Variants in ABCB7 observed in about 807,000 individuals in gnomAD.
ABCB7 encodes iron-sulfur clusters transporter ABCB7, mitochondrial.
ABCB7 carries 7 observed loss-of-function variants against 54.4 expected under a neutral mutation model. The observed-to-expected ratio is 0.13, with a 90% CI of 0.07 to 0.24. ABCB7 has a LOEUF of 0.24. Among genes scored for constraint, ABCB7 ranks in the 10% least tolerant of loss-of-function variants. The pLI, the probability that ABCB7 is intolerant of heterozygous loss-of-function variation, is 1.00. For missense variants in ABCB7, 356 were observed against 570.4 expected, an observed-to-expected ratio of 0.62 and a Z score of 3.83; for synonymous variants, 218 against 207.1, an observed-to-expected ratio of 1.05 and a Z score of -0.45.
intron 15 of ABCB7, among the ~76,000 whole-genome samples, chrX:75,056,345 G>A (rs997055529): frequency 1.8e-5 from 2 of 111,784 alleles, no homozygotes; most frequent in Non-Finnish European, 3.8e-5. Context: ...TCTTCCTAAA[G>A]GGGAATTGTC....
At chrX:75,135,742 C>T (rs2082004701) in intron 1 of ABCB7, among the ~76,000 whole-genome samples, 2 of 111,451 alleles carry the variant, frequency 1.8e-5, no homozygotes. Context: ...ATGATCATCT[C>T]AATAAACACA....
chrX:75,123,810 C>T (rs2081901863), intron 1 of ABCB7, among the ~76,000 whole-genome samples: 1 of 111,043 alleles, frequency 9.0e-6, no homozygotes, highest in East Asian at 2.8e-4. Flanking sequence ...CTTTTCCAGA[C>T]AGTAAATATT....
intron 8 of ABCB7, among the ~76,000 whole-genome samples, chrX:75,073,386 C>T (rs775922876): frequency 9.0e-6 from 1 of 111,415 alleles, no homozygotes; most frequent in East Asian, 2.8e-4. Flanking sequence ...AGGAACTTTT[C>T]AGTTCCATTA....
intron 1 of ABCB7, among the ~76,000 whole-genome samples, chrX:75,147,511 C>T (rs144080963): frequency 0.024 from 2,636 of 111,389 alleles, 77 homozygotes; most frequent in African/African-American, 0.083. Flanking sequence ...AAAATCACGT[C>T]CTTTGCAGTG....
intron 1 of ABCB7, among the ~76,000 whole-genome samples, chrX:75,138,983 G>A (rs1327155500): frequency 3.1e-5 from 3 of 97,259 alleles, no homozygotes; most frequent in Non-Finnish European, 4.2e-5. Context: ...ACGTCAGCAG[G>A]GCGACAGAAC....
At chrX:75,127,717 G>A (rs138716131) in intron 1 of ABCB7, among the ~76,000 whole-genome samples, 6,146 of 111,922 alleles carry the variant, frequency 0.055, 206 homozygotes, top group South Asian at 0.13. Context: ...CAAAGTCACA[G>A]GATACAAAAT....
chrX:75,115,865 C>T (rs1336783733), intron 1 of ABCB7, among the ~76,000 whole-genome samples: 1 of 109,696 alleles, frequency 9.1e-6, no homozygotes, highest in Non-Finnish European at 1.9e-5. Context: ...AACTGACCAG[C>T]ATTAACATTA....
chrX:75,104,047 G>GTTTTTTTTTTTTTTTTTTTTTTTTTTTT lies in ABCB7; in HGVS notation c.334-5014_334-4987dup, dbSNP rs757074347. Among the ~76,000 whole-genome samples the GTTTTTTTTTTTTTTTTTTTTTTTTTTTT allele has an allele frequency of 1.9e-3, 26 of 13,444 alleles. 9 individuals are homozygous for GTTTTTTTTTTTTTTTTTTTTTTTTTTTT. Among genetic ancestry groups the GTTTTTTTTTTTTTTTTTTTTTTTTTTTT allele is most frequent in the Admixed American group, 4.0e-3 (2 of 500 alleles). The allele number at this position is 13,444 out of a possible 115,157, so 11.7% of individuals were successfully genotyped here. On this transcript the variant is annotated intron_variant, in intron 3 of 15. Coordinates refer to ENST00000373394, the MANE Select transcript of ABCB7 (RefSeq NM_001271696.3). ...AAATGGGCATCCCTGTCTTGTTACA[G>GTTTTTTTTTTTTTTTTTTTTTTTTTTTT]TTTTTTTTTTTTTTTTTTTTTTTTT...
intron 2 of ABCB7, among the ~76,000 whole-genome samples, chrX:75,113,964 C>A (rs12012966): frequency 9.0e-6 from 1 of 111,504 alleles, no homozygotes; most frequent in African/African-American, 3.3e-5. Context: ...GATTGAGCAA[C>A]AAGTTTTATC....
At chrX:75,057,617 T>C (rs1455743242) in intron 15 of ABCB7, among the ~76,000 whole-genome samples, 1 of 111,411 alleles carries the variant, frequency 9.0e-6, no homozygotes, top group Non-Finnish European at 1.9e-5. Context: ...TTTGGAGGTC[T>C]ATCCACTGAC....
In ABCB7 at chrX:75,094,618, C is replaced by A. The variant is rs748583421; in HGVS notation, c.453+4324G>T. On this transcript the variant is annotated intron_variant, in intron 4 of 15. Transcript: ENST00000373394. ...ATCCCAGCTACTCAGGAGGCTGAGACAGGAGAATTGCTTGAACCCGGGAGG... is the reference window on the plus strand; with the variant it reads ...ATCCCAGCTACTCAGGAGGCTGAGAAAGGAGAATTGCTTGAACCCGGGAGG... Among the ~76,000 whole-genome samples, 12 of 111,210 alleles carry A rather than the reference C, an allele frequency of 1.1e-4. No individual in the cohort carries two copies. In the South Asian group the frequency reaches 4.6e-3, roughly 43 times the overall value.
chrX:75,055,565 A>C (rs867514168), intron 15 of ABCB7, among the ~76,000 whole-genome samples: 2,395 of 104,965 alleles, frequency 0.023, 91 homozygotes, highest in African/African-American at 0.081. Flanking sequence ...AAAAAAAAAA[A>C]AAAAAAAAAA....
rs760283717 is a variant in ABCB7 at position 75,110,312 on chromosome X, A to G, written c.333+2574T>C. 4.5e-5 allele frequency among the ~76,000 whole-genome samples: 5 copies of G among 112,273 alleles called. No homozygotes were observed. In the South Asian group the frequency reaches 1.8e-3, roughly 42 times the overall value. ...ATGAAGATCATAAGGCTATTTGATTATGTATGAAATCAGAGCTGGAATACA... is the reference window on the plus strand; with the variant it reads ...ATGAAGATCATAAGGCTATTTGATTGTGTATGAAATCAGAGCTGGAATACA... On this transcript the variant is annotated intron_variant, in intron 3 of 15. Transcript: ENST00000373394.
intron 4 of ABCB7, among the ~76,000 whole-genome samples, chrX:75,088,062 T>C (rs985228641): frequency 8.9e-5 from 10 of 111,775 alleles, no homozygotes; most frequent in Non-Finnish European, 1.3e-4. Context: ...AGTAACATGA[T>C]ATGTGAACCT....
intron 4 of ABCB7, among the ~76,000 whole-genome samples, chrX:75,082,329 G>A (rs955441745): frequency 2.7e-5 from 3 of 111,751 alleles, no homozygotes; most frequent in Admixed American, 9.5e-5. Context: ...ACCTAGTACC[G>A]TACACTGGGC....
chrX:75,118,876 C>T (rs2081848123), intron 1 of ABCB7, among the ~76,000 whole-genome samples: 1 of 111,154 alleles, frequency 9.0e-6, no homozygotes, highest in Non-Finnish European at 1.9e-5. Flanking sequence ...GATCCAGGAT[C>T]TGGTATAAAA....
At chrX:75,146,013 C>T (rs1444081099) in intron 1 of ABCB7, among the ~76,000 whole-genome samples, 5 of 108,563 alleles carry the variant, frequency 4.6e-5, no homozygotes, top group Admixed American at 2.9e-4. Flanking sequence ...TCCTATACAC[C>T]GACAACCATC....
chrX:75,141,462 C>T (rs986581585), intron 1 of ABCB7, among the ~76,000 whole-genome samples: 3 of 110,369 alleles, frequency 2.7e-5, no homozygotes, highest in South Asian at 7.7e-4. Flanking sequence ...TTTTAGACTG[C>T]TTTTTACACT....
At chrX:75,140,000 A>G (rs1212506178) in intron 1 of ABCB7, among the ~76,000 whole-genome samples, 2 of 111,851 alleles carry the variant, frequency 1.8e-5, no homozygotes, top group Non-Finnish European at 3.8e-5. Flanking sequence ...ACAAAACTTT[A>G]CCAAAGTACA....
Sources: allele counts gnomAD v4.1 joint callset (sites outside exome capture counted in the v4.1 genomes callset), GRCh38; gene constraint gnomAD v4.1.1; transcripts MANE v1.5; gene names NCBI Gene and HGNC (gene_info 2026-07-23, HGNC 2026-07-21).